The following VKORC1L1 variants were observed in gnomAD, a reference collection of about 807,000 sequenced individuals.
VKORC1L1 encodes the protein vitamin K epoxide reductase complex subunit 1-like protein 1.
VKORC1L1 carries 2 observed loss-of-function variants against 18.9 expected under a neutral mutation model. The ratio of observed to expected loss-of-function variants is 0.11; its 90% CI spans 0.04 to 0.33. The LOEUF (loss-of-function observed/expected upper bound fraction) is 0.33. Ranked by LOEUF, VKORC1L1 falls within the 10% of genes least tolerant of loss-of-function variation. The pLI, the probability that VKORC1L1 is intolerant of heterozygous loss-of-function variation, is 1.00. For missense variants in VKORC1L1, 123 were observed against 224.1 expected (o/e 0.55, Z 2.88); for synonymous variants, 96 against 100.0 (o/e 0.96, Z 0.24).
intron 1 of VKORC1L1, among the ~76,000 whole-genome samples, chr7:65,919,982 AC>A (rs1406861547): frequency 4.6e-5 from 7 of 151,348 alleles, no homozygotes; most frequent in Non-Finnish European, 8.8e-5. Context: ...TGGCCTAAAG[AC>A]CCCATGATCT....
chr7:65,924,364 C>G (rs1789726372), intron 1 of VKORC1L1, among the ~76,000 whole-genome samples: 1 of 152,200 alleles, frequency 6.6e-6, no homozygotes, highest in African/African-American at 2.4e-5. Context: ...TGGACGCTGA[C>G]TTTTCATCCT....
intron 1 of VKORC1L1, among the ~76,000 whole-genome samples, chr7:65,911,582 T>TTTTG (rs532746532): frequency 1.2e-3 from 185 of 152,032 alleles, no homozygotes; most frequent in East Asian, 0.01. Flanking sequence ...TGTATAAAAG[T>TTTTG]TTTGTTTGTT....
At chr7:65,879,162 T>C (rs1033396233) in intron 1 of VKORC1L1, among the ~76,000 whole-genome samples, 7 of 152,168 alleles carry the variant, frequency 4.6e-5, no homozygotes, top group African/African-American at 1.4e-4. Context: ...TGCTTTTTGC[T>C]TGGCATTCGT....
chr7:65,879,244 G>C (rs1788882875), intron 1 of VKORC1L1, among the ~76,000 whole-genome samples: 1 of 152,094 alleles, frequency 6.6e-6, no homozygotes, highest in Non-Finnish European at 1.5e-5. Context: ...GTACGTAAAA[G>C]AGAATTTGTT....
intron 1 of VKORC1L1, among the ~76,000 whole-genome samples, chr7:65,906,465 T>A (rs1176472110): frequency 6.6e-6 from 1 of 152,168 alleles, no homozygotes; most frequent in African/African-American, 2.4e-5. Context: ...GGGAGTAATC[T>A]CTAGACATTT....
chr7:65,873,610 A>G (rs572945453), intron 1 of VKORC1L1, 45 bp downstream of exon 1: 2 of 1,241,836 alleles, frequency 1.6e-6, no homozygotes, highest in African/African-American at 1.8e-5. Context: ...GAGCGGGGCG[A>G]GGGTGGAGTC....
upstream of VKORC1L1, among the ~76,000 whole-genome samples, chr7:65,870,932 A>T (rs1177954512): frequency 1.3e-5 from 2 of 152,096 alleles, no homozygotes; most frequent in Admixed American, 6.6e-5. Context: ...AACAACAGGC[A>T]TGCACCACAC....
chr7:65,949,629 C>T (rs1225496813), intron 2 of VKORC1L1, among the ~76,000 whole-genome samples: 2 of 151,772 alleles, frequency 1.3e-5, no homozygotes, highest in African/African-American at 2.4e-5. Flanking sequence ...GTAGAAAATA[C>T]AAAAATTAGC....
intron 2 of VKORC1L1, among the ~76,000 whole-genome samples, chr7:65,949,566 C>T (rs1790179962): frequency 6.6e-6 from 1 of 151,906 alleles, no homozygotes; most frequent in East Asian, 1.9e-4. Flanking sequence ...TTTGGGAGGC[C>T]GAGAAGGGCA....
At chr7:65,887,502 G>T (rs745766070) in intron 1 of VKORC1L1, among the ~76,000 whole-genome samples, 22 of 151,282 alleles carry the variant, frequency 1.5e-4, no homozygotes, top group Admixed American at 2.7e-4. Flanking sequence ...TTGTGCTATG[G>T]CCTCCCTCAG....
chr7:65,903,600 T>A (rs1403813155), intron 1 of VKORC1L1, among the ~76,000 whole-genome samples: 1 of 152,236 alleles, frequency 6.6e-6, no homozygotes, highest in Admixed American at 6.5e-5. Flanking sequence ...GGCGAAAGCC[T>A]ATCTCTACAA....
chr7:65,944,021 G>T (rs1453643910), intron 1 of VKORC1L1, among the ~76,000 whole-genome samples: 1 of 152,180 alleles, frequency 6.6e-6, no homozygotes, highest in Admixed American at 6.5e-5. Flanking sequence ...GCTTGTGCCT[G>T]TAATCCCAGC....
intron 1 of VKORC1L1, among the ~76,000 whole-genome samples, chr7:65,946,872 A>G (rs545723117): frequency 1.2e-4 from 19 of 152,210 alleles, no homozygotes; most frequent in East Asian, 3.9e-4. Flanking sequence ...GTCATAGCTC[A>G]GCCTGTAATC....
intron 1 of VKORC1L1, among the ~76,000 whole-genome samples, chr7:65,942,483 C>A (rs1281438686): frequency 7.5e-6 from 1 of 132,958 alleles, no homozygotes; most frequent in East Asian, 2.5e-4. Context: ...CAGAGCGAGA[C>A]TCCATCTCAA....
At chr7:65,922,693 C>G (rs1789696798) in intron 1 of VKORC1L1, among the ~76,000 whole-genome samples, 1 of 152,238 alleles carries the variant, frequency 6.6e-6, no homozygotes, top group Admixed American at 6.5e-5. Context: ...GAAATGTACA[C>G]TTGCACCTGG....
chr7:65,883,624 C>T (rs191874622), intron 1 of VKORC1L1, among the ~76,000 whole-genome samples: 3 of 151,948 alleles, frequency 2.0e-5, no homozygotes, highest in African/African-American at 7.2e-5. Flanking sequence ...CTCAGGCTCC[C>T]GAGTAGCTGG....
chr7:65,915,749 A>C (rs1441270916), intron 1 of VKORC1L1, among the ~76,000 whole-genome samples: 2 of 151,752 alleles, frequency 1.3e-5, no homozygotes, highest in African/African-American at 2.4e-5. Context: ...ATCAACACCT[A>C]ATTTATTAGG....
chr7:65,870,486 T>G (rs1453123845), upstream of VKORC1L1, among the ~76,000 whole-genome samples: 1 of 152,102 alleles, frequency 6.6e-6, no homozygotes, highest in Non-Finnish European at 1.5e-5. Context: ...CAAAGGTCAT[T>G]TATAGAATGT....
chr7:65,911,512 T>A (rs1459459394), intron 1 of VKORC1L1, among the ~76,000 whole-genome samples: 1 of 152,190 alleles, frequency 6.6e-6, no homozygotes, highest in Non-Finnish European at 1.5e-5. Flanking sequence ...AGGTTATTAC[T>A]CTCTGTTCAG....
Sources: allele counts gnomAD v4.1 joint callset (sites outside exome capture counted in the v4.1 genomes callset), GRCh38; gene constraint gnomAD v4.1.1; transcripts MANE v1.5; gene names NCBI Gene and HGNC (gene_info 2026-07-23, HGNC 2026-07-21).